PNLDC1: variants seen among roughly 807,000 people sequenced by gnomAD.
The protein encoded by PNLDC1 is PARN like ribonuclease domain containing exonuclease 1.
A neutral mutation model predicts 82.0 loss-of-function variants in PNLDC1; 70 were observed. The ratio of observed to expected loss-of-function variants is 0.85; its 90% CI spans 0.70 to 1.04. The LOEUF is 1.04. PNLDC1 is among the 50% of genes least tolerant of loss of function. The pLI is 0.00. For synonymous variants in PNLDC1, 280 were observed against 249.3 expected, an observed-to-expected ratio of 1.12 and a Z score of -1.16; for missense variants, 631 against 661.1, an observed-to-expected ratio of 0.95 and a Z score of 0.50.
At chr6:159,803,400 A>G in intron 4 of PNLDC1, 90 bp downstream of exon 4, 1 of 1,222,456 alleles carries the variant, frequency 8.2e-7, no homozygotes, top group East Asian at 2.3e-5. Context: ...TGCCCCGATC[A>G]CTTTTGCCCT....
At chr6:159,804,113 G>A (rs1166958502) in intron 5 of PNLDC1, 25 bp downstream of exon 5, 1 of 1,610,144 alleles carries the variant, frequency 6.2e-7, no homozygotes, top group African/African-American at 1.3e-5. Flanking sequence ...GAGGGGAACG[G>A]GAATGTCTTT....
intron 5 of PNLDC1, 149 bp from the exon 6 acceptor site, chr6:159,804,400 G>T: frequency 1.5e-6 from 1 of 652,034 alleles, no homozygotes; most frequent in Non-Finnish European, 2.7e-6. Context: ...CACCGCACCC[G>T]GCCTGGGAAT....
chr6:159,804,497 A>T (rs942734904), intron 5 of PNLDC1, 52 bp from the exon 6 acceptor site: 36 of 1,234,012 alleles, frequency 2.9e-5, no homozygotes, highest in Middle Eastern at 1.9e-4. Context: ...GGCACAGAGG[A>T]TCCCTCTGAC....
At chr6:159,806,888 C>CTTTTTTTTTTTT in intron 7 of PNLDC1, among the ~76,000 whole-genome samples, 1 of 107,758 alleles carries the variant, frequency 9.3e-6, no homozygotes, top group Non-Finnish European at 1.9e-5. Flanking sequence ...AATTAGCTGC[C>CTTTTTTTTTTTT]TTTTTTTTTT....
At chr6:159,803,050 C>G (rs962364484) in intron 3 of PNLDC1, among the ~76,000 whole-genome samples, 15 of 152,174 alleles carry the variant, frequency 9.9e-5, no homozygotes, top group African/African-American at 3.6e-4. Context: ...ATTTGAAGAA[C>G]AGGCCACAAT....
chr6:159,812,587 T>C (rs1781680895), intron 11 of PNLDC1, among the ~76,000 whole-genome samples: 1 of 152,224 alleles, frequency 6.6e-6, no homozygotes, highest in African/African-American at 2.4e-5. Flanking sequence ...ATAGCCAGGC[T>C]GCACTGGCAG....
intron 11 of PNLDC1, 67 bp from the exon 12 acceptor site, chr6:159,813,534 A>G: frequency 7.1e-6 from 10 of 1,408,870 alleles, no homozygotes; most frequent in Non-Finnish European, 9.1e-6. Context: ...ACCATTTGGT[A>G]CTGCCTGAAA....
At chr6:159,808,376 A>G (rs1271273155) in intron 7 of PNLDC1, among the ~76,000 whole-genome samples, 1 of 152,178 alleles carries the variant, frequency 6.6e-6, no homozygotes, top group East Asian at 1.9e-4. Flanking sequence ...ATTTTTTATA[A>G]GTGTTATTTT....
At chr6:159,810,927 C>T (rs899862770) in intron 10 of PNLDC1, among the ~76,000 whole-genome samples, 7 of 152,158 alleles carry the variant, frequency 4.6e-5, no homozygotes, top group Middle Eastern at 3.4e-3. Context: ...ACAAAATAAG[C>T]GCTGGGAGAA....
rs754093006 is a variant in PNLDC1 at position 159,809,175 on chromosome 6, C to G, written c.783+17C>G. 3.7e-6 allele frequency: 6 copies of G among 1,612,740 alleles called. No individual in the cohort carries two copies. The highest frequency in any genetic ancestry group is 3.4e-6 in the Non-Finnish European group (4 of 1,179,780). Reference sequence around the variant, plus strand: ...GCCCAGAAGGTAGGAAAACATGTCTCTTTTCTTGGCCTAAAGGCAGTCTTT... The same window carrying G: ...GCCCAGAAGGTAGGAAAACATGTCTGTTTTCTTGGCCTAAAGGCAGTCTTT... On this transcript the variant is annotated intron_variant, in intron 9 of 18. Coordinates refer to ENST00000392167, the MANE Select transcript of PNLDC1 (RefSeq NM_001271862.2).
At position 159,801,156 on chromosome 6, in the gene PNLDC1, A is replaced by G. The variant is rs113270402; in HGVS notation, c.178A>G (p.Ser60Gly). 1 of 1,614,014 alleles carries G rather than the reference A, an allele frequency of 6.2e-7. No individual in the cohort carries two copies. The highest frequency in any genetic ancestry group is 1.3e-5 in the African/African-American group (1 of 74,898). ...PSEWYLKTRQ[S>G]VQQFTVCQIG... ...GGAGTGGTATCTAAAGACCCGTCAG[A>G]GTGTTCAGCAATTTACAGTCTGTCA... The change falls in exon 3 of 19, where the codon AGT (serine) becomes GGT (glycine). Residue 60 changes from serine (S) to glycine (G), a missense_variant. Transcript: ENST00000392167.
Position 159,816,518 on chromosome 6 carries a change from GTCC to G in PNLDC1, c.1061-20_1061-18del, listed in dbSNP as rs772864741. 4.2e-4 allele frequency: 673 copies of G among 1,612,274 alleles called. 1 individual carries two copies. The highest frequency in any genetic ancestry group is 5.5e-4 in the Non-Finnish European group (652 of 1,178,576). ...GTTTCTAATGACTGCTCAATTCTCT[GTCC>G]TCCTGGTGGAAAATGCCTCAGTTGA... On this transcript the variant is annotated intron_variant, in intron 13 of 18. Transcript: ENST00000392167.
chr6:159,809,385 A>G (rs956243218), intron 9 of PNLDC1, among the ~76,000 whole-genome samples: 1 of 152,016 alleles, frequency 6.6e-6, no homozygotes, highest in Non-Finnish European at 1.5e-5. Flanking sequence ...CCCAGGCTTA[A>G]GTGAAACTCA....
At chr6:159,803,433 T>C (rs1434886095) in intron 4 of PNLDC1, 123 bp downstream of exon 4, 1 of 830,928 alleles carries the variant, frequency 1.2e-6, no homozygotes, top group Non-Finnish European at 2.0e-6. Flanking sequence ...TTCTCTCCTG[T>C]GTCTGTTCCT....
Position 159,820,541 on chromosome 6 carries a change from A to G in PNLDC1, c.*24A>G. 1 of 1,611,246 alleles carries G rather than the reference A, an allele frequency of 6.2e-7. No homozygotes were observed. Among genetic ancestry groups the G allele is most frequent in the Non-Finnish European group, 8.5e-7 (1 of 1,177,706 alleles). ...GAGTGCAGCGAGGCCTCCTGCGGCC[A>G]CCCTCGGGTCCCCATGCTCTCTGGG... On this transcript the variant is annotated 3_prime_UTR_variant, in exon 19 of 19. Transcript: ENST00000392167.
chr6:159,808,736 G>A lies in PNLDC1; in HGVS notation c.563-4G>A. The A allele has an allele frequency of 1.2e-6, 2 of 1,613,114 alleles. No homozygotes were observed. Among genetic ancestry groups the A allele is most frequent in the South Asian group, 1.1e-5 (1 of 90,792 alleles). On this transcript the variant is annotated splice_region_variant and splice_polypyrimidine_tract_variant and intron_variant, in intron 7 of 18. Coordinates refer to ENST00000392167, the MANE Select transcript of PNLDC1 (RefSeq NM_001271862.2). ...CTGTGTGCCCCTGTGTTTCCCTGCT[G>A]CAGGCTTCCAGGCCTTTGAGGTCCA...
At chr6:159,814,130 A>G (rs1037937592) in intron 12 of PNLDC1, among the ~76,000 whole-genome samples, 2 of 150,846 alleles carry the variant, frequency 1.3e-5, no homozygotes, top group Admixed American at 1.3e-4. Context: ...AGCCTCCTGA[A>G]CTCTCTATGC....
At chr6:159,815,843 T>A (rs1781794832) in intron 12 of PNLDC1, 126 bp from the exon 13 acceptor site, 2 of 689,154 alleles carry the variant, frequency 2.9e-6, no homozygotes, top group African/African-American at 1.8e-5. Flanking sequence ...ATGCTTAGAT[T>A]TGCACCTTAA....
chr6:159,803,946 T>C lies in PNLDC1; in HGVS notation c.249-19T>C. On this transcript the variant is annotated intron_variant, in intron 4 of 18. Coordinates refer to ENST00000392167, the MANE Select transcript of PNLDC1 (RefSeq NM_001271862.2). ...TTAAATGGTTGTGGCTTTTTCTCTG[T>C]ATGTTTGTTTTATTATAGGTATATA... 3.1e-6 allele frequency: 5 copies of C among 1,602,198 alleles called. No homozygotes were observed.
Sources: gnomAD v4.1 joint callset for allele counts (sites outside exome capture counted in the v4.1 genomes callset) on GRCh38, gnomAD v4.1.1 for gene constraint, MANE v1.5 for transcripts, NCBI Gene and HGNC (gene_info 2026-07-23, HGNC 2026-07-21) for gene names.